Variants in PDGFD observed in about 807,000 individuals in gnomAD.
PDGFD encodes platelet derived growth factor D, also known as platelet-derived growth factor D.
A neutral mutation model predicts 44.7 loss-of-function variants in PDGFD; 30 were observed. That is an observed-to-expected ratio of 0.67 (90% CI 0.50 to 0.91). PDGFD has a LOEUF of 0.91. Among genes scored for constraint, PDGFD ranks in the 40% least tolerant of loss-of-function variants. The pLI is 0.00. For synonymous variants in PDGFD, 173 were observed against 168.4 expected, an observed-to-expected ratio of 1.03 and a Z score of -0.21; for missense variants, 445 against 457.8, an observed-to-expected ratio of 0.97 and a Z score of 0.25.
intron 1 of PDGFD, among the ~76,000 whole-genome samples, chr11:104,013,361 C>T (rs1467714226): frequency 6.6e-6 from 1 of 152,168 alleles, no homozygotes; most frequent in Non-Finnish European, 1.5e-5. Flanking sequence ...TGACTCTCCA[C>T]TGAGCTGGTT....
At chr11:104,100,476 CT>C (rs778118451) in intron 1 of PDGFD, among the ~76,000 whole-genome samples, 4 of 152,078 alleles carry the variant, frequency 2.6e-5, no homozygotes, top group Admixed American at 6.6e-5. Flanking sequence ...TAATTAATAG[CT>C]TACCAACCAA....
At chr11:104,036,980 T>G in intron 1 of PDGFD, 1 of 1,614,224 alleles carries the variant, frequency 6.2e-7, no homozygotes, top group Non-Finnish European at 8.5e-7. Context: ...ATGGAGCGAC[T>G]CCTCATCGAG....
At chr11:103,950,874 G>T (rs1198290819) in intron 3 of PDGFD, among the ~76,000 whole-genome samples, 6 of 152,266 alleles carry the variant, frequency 3.9e-5, no homozygotes, top group Admixed American at 1.3e-4. Flanking sequence ...TAGTTATTTA[G>T]ATTTCATATC....
intron 5 of PDGFD, among the ~76,000 whole-genome samples, chr11:103,942,753 C>T (rs1308437774): frequency 2.6e-5 from 4 of 152,140 alleles, no homozygotes; most frequent in Non-Finnish European, 4.4e-5. Flanking sequence ...CCAATCTTCA[C>T]ACCTATCAGA....
At chr11:104,015,509 T>C (rs947076592) in intron 1 of PDGFD, among the ~76,000 whole-genome samples, 1 of 152,206 alleles carries the variant, frequency 6.6e-6, no homozygotes, top group Non-Finnish European at 1.5e-5. Context: ...TACCTTTGCA[T>C]CTGGAATACA....
chr11:104,094,875 C>T (rs1205767649), intron 1 of PDGFD, among the ~76,000 whole-genome samples: 1 of 152,080 alleles, frequency 6.6e-6, no homozygotes, highest in Non-Finnish European at 1.5e-5. Flanking sequence ...TGTCTTTCAA[C>T]TCAGTTCAAA....
At chr11:104,037,229 G>A (rs1415005171) in intron 1 of PDGFD, 1 of 1,613,688 alleles carries the variant, frequency 6.2e-7, no homozygotes, top group South Asian at 1.1e-5. Flanking sequence ...AAGGTGGCCG[G>A]CCTGCAAGGT....
intron 1 of PDGFD, among the ~76,000 whole-genome samples, chr11:104,078,577 C>T (rs527854180): frequency 1.4e-4 from 7 of 48,338 alleles, no homozygotes; most frequent in East Asian, 9.2e-4. Context: ...TATATTTTTT[C>T]GGATAATTTA....
At chr11:104,024,039 T>G (rs987134676) in intron 1 of PDGFD, among the ~76,000 whole-genome samples, 2 of 152,152 alleles carry the variant, frequency 1.3e-5, no homozygotes, top group African/African-American at 4.8e-5. Flanking sequence ...CTTAAACATA[T>G]GCCATACATG....
At chr11:104,098,191 T>C (rs1029068002) in intron 1 of PDGFD, among the ~76,000 whole-genome samples, 6 of 152,262 alleles carry the variant, frequency 3.9e-5, no homozygotes, top group African/African-American at 1.2e-4. Context: ...TGGTGCCTAC[T>C]ATGTGTATGA....
chr11:104,022,784 AGTGT>A (rs1482333702), intron 1 of PDGFD, among the ~76,000 whole-genome samples: 2 of 152,010 alleles, frequency 1.3e-5, no homozygotes, highest in African/African-American at 2.4e-5. Flanking sequence ...TACAAAATTT[AGTGT>A]GTGTGTGTAC....
intron 3 of PDGFD, among the ~76,000 whole-genome samples, chr11:103,977,975 A>G (rs1859208569): frequency 1.3e-5 from 2 of 152,088 alleles, no homozygotes; most frequent in South Asian, 4.1e-4. Context: ...TATACTGTGT[A>G]ATAAGTGCTC....
At chr11:104,085,618 T>C (rs887575915) in intron 1 of PDGFD, among the ~76,000 whole-genome samples, 6 of 152,182 alleles carry the variant, frequency 3.9e-5, no homozygotes, top group Admixed American at 3.9e-4. Context: ...ACAAACCCAT[T>C]GCATGTTAAT....
intron 1 of PDGFD, among the ~76,000 whole-genome samples, chr11:104,036,084 A>G (rs1199775669): frequency 6.6e-6 from 1 of 152,174 alleles, no homozygotes; most frequent in Non-Finnish European, 1.5e-5. Flanking sequence ...TTGGGGAAAA[A>G]ACAAAAGTAC....
chr11:104,038,481 T>C (rs1860291422), intron 1 of PDGFD: 1 of 176,926 alleles, frequency 5.7e-6, no homozygotes, highest in Non-Finnish European at 1.4e-5. Context: ...TTGTTTTCTT[T>C]GGGAAGGGTA....
At chr11:103,984,206 A>G (rs544976299) in intron 3 of PDGFD, among the ~76,000 whole-genome samples, 19 of 151,914 alleles carry the variant, frequency 1.3e-4, no homozygotes, top group African/African-American at 4.6e-4. Context: ...TGGTATATAT[A>G]CACTATGGAA....
intron 1 of PDGFD, among the ~76,000 whole-genome samples, chr11:104,126,705 T>C (rs115704173): frequency 0.015 from 2,213 of 152,236 alleles, 66 homozygotes; most frequent in African/African-American, 0.05. Context: ...TCAATCATTG[T>C]ACAGTTCTCT....
intron 1 of PDGFD, among the ~76,000 whole-genome samples, chr11:104,103,310 G>T (rs1477233702): frequency 6.6e-6 from 1 of 151,638 alleles, no homozygotes; most frequent in African/African-American, 2.4e-5. Context: ...AAAATCTCTT[G>T]TATGTTTTTT....
chr11:103,984,378 A>G (rs1412662546), intron 3 of PDGFD, among the ~76,000 whole-genome samples: 2 of 151,630 alleles, frequency 1.3e-5, no homozygotes, highest in African/African-American at 4.9e-5. Context: ...ATGGACACAT[A>G]CAGGGGAACA....
Sources: allele counts gnomAD v4.1 joint callset (sites outside exome capture counted in the v4.1 genomes callset), GRCh38; gene constraint gnomAD v4.1.1; transcripts MANE v1.5; gene names NCBI Gene and HGNC (gene_info 2026-07-23, HGNC 2026-07-21).